CFAP47: variants seen among roughly 807,000 people sequenced by gnomAD.
CFAP47 encodes the protein cilia- and flagella-associated protein 47.
In CFAP47, 29 loss-of-function variants were observed where a neutral mutation model predicts 148.1. The ratio of observed to expected loss-of-function variants is 0.20; its 90% CI spans 0.15 to 0.27. CFAP47 has a LOEUF of 0.27. CFAP47 is among the 10% of genes least tolerant of loss of function. The probability of loss-of-function intolerance (pLI) is 1.00; values close to 1 mark genes in which losing one functional copy is unlikely to be tolerated. For synonymous variants in CFAP47, 664 were observed against 577.3 expected, an observed-to-expected ratio of 1.15 and a Z score of -2.15; for missense variants, 1,872 against 1,697.5, an observed-to-expected ratio of 1.10 and a Z score of -1.81.
intron 2 of CFAP47, among the ~76,000 whole-genome samples, chrX:35,939,980 C>T (rs1404745724): frequency 6.4e-5 from 7 of 108,967 alleles, no homozygotes; most frequent in Admixed American, 9.8e-5. Context: ...TTTTCATGAT[C>T]GCCATTCTAA....
chrX:35,969,038 GTTAAT>G (rs1266832936), intron 10 of CFAP47, among the ~76,000 whole-genome samples: 2 of 109,831 alleles, frequency 1.8e-5, no homozygotes, highest in Non-Finnish European at 3.8e-5. Context: ...GATATAATGT[GTTAAT>G]TTAATATTAA....
chrX:36,057,406 T>C (rs189948320), intron 26 of CFAP47, among the ~76,000 whole-genome samples: 13 of 111,600 alleles, frequency 1.2e-4, no homozygotes, highest in African/African-American at 2.3e-4. Flanking sequence ...TATTAGGACA[T>C]GGTGATTGAT....
At chrX:36,222,303 TTATC>T (rs1940220650) in intron 45 of CFAP47, among the ~76,000 whole-genome samples, 1 of 110,817 alleles carries the variant, frequency 9.0e-6, no homozygotes, top group African/African-American at 3.3e-5. Flanking sequence ...TCCTTTATAT[TTATC>T]CTCTTTTTTT....
rs1463457019 is a variant in CFAP47, at chrX:35,989,467, A to G, written c.2844+18A>G. ...TTGCACATGTAATTATTTTCCTTGA[A>G]CATGGTTTTTGTTTTGAGGGCTATG... is the stretch of plus-strand genomic sequence containing the variant. On this transcript the variant is annotated intron_variant, in intron 16 of 63. Coordinates refer to ENST00000378653, the MANE Select transcript of CFAP47 (RefSeq NM_001304548.2). 2 of 1,211,122 alleles carry G rather than the reference A, an allele frequency of 1.7e-6. No individual in the cohort carries two copies. The highest frequency in any genetic ancestry group is 3.0e-5 in the East Asian group (1 of 33,783).
rs1939968055 is a variant in CFAP47 at position 36,200,461 on chromosome X, G to C, written c.6404G>C (p.Ser2135Thr). The C allele has an allele frequency of 6.7e-6, 2 of 296,886 alleles. No individual in the cohort carries two copies. Among genetic ancestry groups the C allele is most frequent in the Non-Finnish European group, 1.2e-5 (2 of 169,753 alleles). 24.5% of individuals were successfully genotyped at this position (296,886 alleles called of 1,213,427 possible). ...SSCLPMNTSS[S>T]PVYYSTTREE... ...TGCCTTCCAATGAATACGTCTTCAA[G>C]TCCAGTTTATTACAGCACTACTCGA... The change falls in exon 43 of 64, where the codon AGT (serine) becomes ACT (threonine). Residue 2135 changes from serine to threonine, a missense_variant. Physicochemically the swap from Ser to Thr is moderately conservative, Grantham distance 58. Coordinates refer to ENST00000378653, the MANE Select transcript of CFAP47 (RefSeq NM_001304548.2).
chrX:36,369,745 G>C (rs781946663), intron 62 of CFAP47, among the ~76,000 whole-genome samples: 1 of 111,457 alleles, frequency 9.0e-6, no homozygotes, highest in Non-Finnish European at 1.9e-5. Flanking sequence ...AGCATATTCC[G>C]AGAGAAGCAC....
chrX:36,364,339 A>C (rs1941852851), intron 61 of CFAP47, among the ~76,000 whole-genome samples: 1 of 110,270 alleles, frequency 9.1e-6, no homozygotes, highest in African/African-American at 3.3e-5. Flanking sequence ...ACATCTACAA[A>C]AGAGACAAAA....
At position 36,371,876 on chromosome X, in the gene CFAP47, A is replaced by G. The variant is rs782676996; in HGVS notation, c.9185+4749A>G. 1.0e-3 allele frequency among the ~76,000 whole-genome samples: 78 copies of G among 76,722 alleles called. 1 individual carries two copies. Among genetic ancestry groups the G allele is most frequent in the African/African-American group, 3.2e-3 (47 of 14,857 alleles). The allele number at this position is 76,722 out of a possible 115,157, so 66.6% of individuals were successfully genotyped here. ...TATGTGTGCATATACACACATGTGT[A>G]TATATGTGTGCATATACACACATGT... On this transcript the variant is annotated intron_variant, in intron 62 of 63. Coordinates refer to ENST00000378653, the MANE Select transcript of CFAP47 (RefSeq NM_001304548.2).
intron 37 of CFAP47, among the ~76,000 whole-genome samples, chrX:36,153,773 G>A (rs762015903): frequency 6.2e-5 from 7 of 112,179 alleles, no homozygotes; most frequent in Non-Finnish European, 1.3e-4. Context: ...CACATTCCAA[G>A]CCACACCTGG....
chrX:36,177,706 T>C (rs896769788), intron 39 of CFAP47, among the ~76,000 whole-genome samples: 5 of 112,378 alleles, frequency 4.4e-5, no homozygotes, highest in Non-Finnish European at 7.5e-5. Flanking sequence ...ATCAGAAATA[T>C]CAATTTAAAA....
chrX:35,955,950 T>C lies in CFAP47; in HGVS notation c.1175-11T>C. On this transcript the variant is annotated splice_polypyrimidine_tract_variant and intron_variant, in intron 7 of 63. Transcript: ENST00000378653. Reference sequence around the variant, plus strand: ...ACTTTTTATGTTCAACAGCTATTATTGCTTTTACAGGTGAACGATTTCAGA... The same window carrying C: ...ACTTTTTATGTTCAACAGCTATTATCGCTTTTACAGGTGAACGATTTCAGA... The C allele has an allele frequency of 8.3e-7, 1 of 1,208,238 alleles. No individual in the cohort carries two copies. The highest frequency in any genetic ancestry group is 3.0e-5 in the East Asian group (1 of 33,780).
chrX:36,377,694 TAG>T (rs1178229318), intron 62 of CFAP47, among the ~76,000 whole-genome samples: 1 of 111,956 alleles, frequency 8.9e-6, no homozygotes, highest in Non-Finnish European at 1.9e-5. Context: ...GTAATTCCCT[TAG>T]GTGCCCTGTC....
chrX:36,055,921 C>A (rs974436127), intron 26 of CFAP47, among the ~76,000 whole-genome samples: 3 of 106,639 alleles, frequency 2.8e-5, no homozygotes, highest in Admixed American at 2.0e-4. Flanking sequence ...TGATGTTGAG[C>A]TTTTTTTTTT....
intron 49 of CFAP47, among the ~76,000 whole-genome samples, chrX:36,260,035 G>T (rs782687374): frequency 9.0e-6 from 1 of 110,517 alleles, no homozygotes; most frequent in Non-Finnish European, 1.9e-5. Context: ...TGCTTCAAAT[G>T]ACACAATTTC....
In CFAP47 at chrX:36,310,999, TTTTC is replaced by T. The variant is rs782719612; in HGVS notation, c.8344+13_8344+16del. 5.4e-5 allele frequency: 53 copies of T among 980,661 alleles called. No homozygotes were observed. The highest frequency in any genetic ancestry group is 4.0e-6 in the Non-Finnish European group (3 of 743,877). The allele number at this position is 980,661 out of a possible 1,213,427, so 80.8% of individuals were successfully genotyped here. A position where few individuals can be genotyped will look rare whatever the true frequency, so the allele number is the denominator to read the frequency against. ...GATATAATACTGACAAGTAAGTTGTTTTTCTTATATTTTACATGTTATTTTATAG... is the reference window on the plus strand; with the variant it reads ...GATATAATACTGACAAGTAAGTTGTTTTATATTTTACATGTTATTTTATAG... On this transcript the variant is annotated intron_variant, in intron 56 of 63. Transcript: ENST00000378653.
At chrX:35,931,572 C>T (rs1569204938) in intron 2 of CFAP47, among the ~76,000 whole-genome samples, 1 of 111,154 alleles carries the variant, frequency 9.0e-6, no homozygotes, top group Non-Finnish European at 1.9e-5. Flanking sequence ...TATTTGTTTT[C>T]TCATTGTTCT....
chrX:35,933,527 C>G (rs201746554), intron 2 of CFAP47, among the ~76,000 whole-genome samples: 2 of 111,884 alleles, frequency 1.8e-5, no homozygotes, highest in African/African-American at 3.3e-5. Context: ...ACAATAAACA[C>G]GAGAGTGCAG....
Position 36,138,378 on chromosome X carries a change from C to A in CFAP47, c.5449C>A (p.Arg1817=). The stretch of plus-strand genomic sequence containing the variant: ...GTCTCATTTTATAAATATGTACACA[C>A]GACCAAAAAGTCCTGAAGAGTATCT... ...IESHFINMYT[R]PKSPEEYLHN... is the part of the protein sequence containing the mutation. Residue 1817 remains arginine (R), a synonymous_variant, in exon 35 of 64, where the codon CGA becomes AGA. Coordinates refer to ENST00000378653, the MANE Select transcript of CFAP47 (RefSeq NM_001304548.2). 1 of 1,151,044 alleles carries A rather than the reference C, an allele frequency of 8.7e-7. No individual in the cohort carries two copies. The highest frequency in any genetic ancestry group is 1.1e-6 in the Non-Finnish European group (1 of 869,998). 94.9% of individuals were successfully genotyped at this position (1,151,044 alleles called of 1,213,427 possible).
intron 57 of CFAP47, among the ~76,000 whole-genome samples, chrX:36,325,830 T>A (rs1405737948): frequency 9.0e-6 from 1 of 111,402 alleles, no homozygotes; most frequent in Admixed American, 9.6e-5. Flanking sequence ...GAAATTTAGG[T>A]ACTATATACT....
Sources: allele counts gnomAD v4.1 joint callset (sites outside exome capture counted in the v4.1 genomes callset), GRCh38; gene constraint gnomAD v4.1.1; transcripts MANE v1.5; gene names NCBI Gene and HGNC (gene_info 2026-07-23, HGNC 2026-07-21).